ADAMTSL1: variants seen among roughly 807,000 people sequenced by gnomAD.
ADAMTSL1 encodes the protein ADAMTS-like protein 1.
A neutral mutation model predicts 201.8 loss-of-function variants in ADAMTSL1; 126 were observed. The ratio of observed to expected loss-of-function variants is 0.62; its 90% CI spans 0.54 to 0.72. The LOEUF (loss-of-function observed/expected upper bound fraction) is 0.72. Ranked by LOEUF, ADAMTSL1 falls within the 30% of genes least tolerant of loss-of-function variation. The pLI is 0.00. For synonymous variants in ADAMTSL1, 1,121 were observed against 903.4 expected (o/e 1.24, Z -4.32); for missense variants, 2,679 against 2,277.8 (o/e 1.18, Z -3.59).
chr9:18,494,360 A>AG (rs913814743), intron 1 of ADAMTSL1, among the ~76,000 whole-genome samples: 7 of 152,112 alleles, frequency 4.6e-5, no homozygotes, highest in East Asian at 3.9e-4. Context: ...AAAAAAAAAA[A>AG]AAACCAGGCC....
intron 2 of ADAMTSL1, among the ~76,000 whole-genome samples, chr9:18,421,475 A>T (rs1818945384): frequency 6.6e-6 from 1 of 152,196 alleles, no homozygotes; most frequent in Non-Finnish European, 1.5e-5. Flanking sequence ...ATAGGACAGC[A>T]AAATTTGTGT....
chr9:18,670,978 C>A (rs935879554), intron 9 of ADAMTSL1, among the ~76,000 whole-genome samples: 2 of 150,464 alleles, frequency 1.3e-5, no homozygotes, highest in Admixed American at 1.3e-4. Flanking sequence ...TACTTTAAAT[C>A]ATCTCTAGAT....
chr9:18,276,306 A>G (rs376805097), intron 2 of ADAMTSL1, among the ~76,000 whole-genome samples: 16 of 152,160 alleles, frequency 1.1e-4, no homozygotes, highest in African/African-American at 3.6e-4. Flanking sequence ...TTCCCATTCC[A>G]TATTATTAAT....
At chr9:18,295,969 C>A (rs1833464005) in intron 2 of ADAMTSL1, among the ~76,000 whole-genome samples, 1 of 152,106 alleles carries the variant, frequency 6.6e-6, no homozygotes, top group Non-Finnish European at 1.5e-5. Context: ...CTAATATAAC[C>A]TAGTATTATG....
chr9:18,650,412 C>A (rs1417772652), intron 7 of ADAMTSL1, among the ~76,000 whole-genome samples: 1 of 152,114 alleles, frequency 6.6e-6, no homozygotes, highest in Non-Finnish European at 1.5e-5. Context: ...CCTGCACCCA[C>A]TGTCTGGCAC....
intron 3 of ADAMTSL1, among the ~76,000 whole-genome samples, chr9:18,559,771 T>A (rs1389318734): frequency 3.3e-5 from 5 of 152,198 alleles, no homozygotes; most frequent in Non-Finnish European, 7.3e-5. Context: ...TTTGTAGCAA[T>A]TGTGAATGAG....
intron 1 of ADAMTSL1, among the ~76,000 whole-genome samples, chr9:18,034,523 C>CT (rs931776806): frequency 1.3e-5 from 2 of 152,076 alleles, no homozygotes; most frequent in African/African-American, 4.8e-5. Flanking sequence ...TTTTCTTTCC[C>CT]TTTTTTCAAA....
chr9:18,772,018 G>A (rs1479204049), intron 17 of ADAMTSL1, among the ~76,000 whole-genome samples: 1 of 152,118 alleles, frequency 6.6e-6, no homozygotes, highest in East Asian at 1.9e-4. Flanking sequence ...GAACGTTTGG[G>A]GAATTATTTT....
chr9:18,524,561 G>A (rs1471620574), intron 2 of ADAMTSL1, among the ~76,000 whole-genome samples: 1 of 152,156 alleles, frequency 6.6e-6, no homozygotes, highest in Non-Finnish European at 1.5e-5. Context: ...CATTCAGTAT[G>A]ATATTGGCTG....
chr9:18,458,525 A>G (rs1199699122), intron 2 of ADAMTSL1, among the ~76,000 whole-genome samples: 1 of 152,176 alleles, frequency 6.6e-6, no homozygotes, highest in Non-Finnish European at 1.5e-5. Flanking sequence ...AACCTTCCAT[A>G]GACTTAGGTG....
chr9:18,721,312 C>T (rs1833353047), intron 14 of ADAMTSL1, among the ~76,000 whole-genome samples: 1 of 152,168 alleles, frequency 6.6e-6, no homozygotes. Context: ...TTGCCCTCCT[C>T]AAGGAGCATG....
At chr9:18,271,688 C>A (rs1239803845) in intron 2 of ADAMTSL1, among the ~76,000 whole-genome samples, 1 of 152,136 alleles carries the variant, frequency 6.6e-6, no homozygotes, top group African/African-American at 2.4e-5. Flanking sequence ...TGGGTATATA[C>A]CCAGTAATGG....
At chr9:18,085,068 G>C (rs752998444) in intron 1 of ADAMTSL1, among the ~76,000 whole-genome samples, 2 of 152,118 alleles carry the variant, frequency 1.3e-5, no homozygotes, top group Non-Finnish European at 2.9e-5. Flanking sequence ...GCTGAGCTGG[G>C]AGCATGCTAG....
upstream of ADAMTSL1, among the ~76,000 whole-genome samples, chr9:18,471,808 C>T (rs555165155): frequency 3.3e-5 from 5 of 152,244 alleles, no homozygotes; most frequent in African/African-American, 9.6e-5. Flanking sequence ...TTGAGATGAC[C>T]ATCTTGCTGT....
chr9:18,034,956 TATG>T (rs2131617196), intron 1 of ADAMTSL1, among the ~76,000 whole-genome samples: 1 of 152,346 alleles, frequency 6.6e-6, no homozygotes, highest in South Asian at 2.1e-4. Context: ...TTTCCTTTGC[TATG>T]ATATCTAGTC....
At chr9:18,653,239 C>T (rs562296997) in intron 7 of ADAMTSL1, among the ~76,000 whole-genome samples, 6 of 152,286 alleles carry the variant, frequency 3.9e-5, no homozygotes, top group African/African-American at 1.2e-4. Flanking sequence ...AATCCTGCCT[C>T]GCTCCCCACC....
intron 3 of ADAMTSL1, among the ~76,000 whole-genome samples, chr9:18,544,031 A>G (rs1820328121): frequency 6.6e-6 from 1 of 152,216 alleles, no homozygotes; most frequent in East Asian, 1.9e-4. Flanking sequence ...GTCAGTGGAA[A>G]GAATACAGGC....
chr9:18,645,036 T>C lies in ADAMTSL1; in HGVS notation c.834+5625T>C, dbSNP rs368711473. 8.5e-5 allele frequency among the ~76,000 whole-genome samples: 13 copies of C among 152,186 alleles called. No individual in the cohort carries two copies. In the East Asian group the frequency reaches 1.9e-3, roughly 23 times the overall value. On this transcript the variant is annotated intron_variant, in intron 7 of 28. Coordinates refer to ENST00000380548, the MANE Select transcript of ADAMTSL1 (RefSeq NM_001040272.6). ...AAAAGTGTTTCTATTTCTCCACATC[T>C]TCTCCAGCACCTGTTGTTTCCTGAC...
At chr9:18,833,019 C>A (rs1370817003) in intron 23 of ADAMTSL1, among the ~76,000 whole-genome samples, 1 of 152,152 alleles carries the variant, frequency 6.6e-6, no homozygotes, top group East Asian at 1.9e-4. Context: ...TGAGACTATT[C>A]CAGAACTGGC....
Sources: allele counts gnomAD v4.1 joint callset (sites outside exome capture counted in the v4.1 genomes callset), GRCh38; gene constraint gnomAD v4.1.1; transcripts MANE v1.5; gene names NCBI Gene and HGNC (gene_info 2026-07-23, HGNC 2026-07-21).